Variants in MTMR12 observed in about 807,000 individuals in gnomAD.
The protein encoded by MTMR12 is myotubularin-related protein 12.
In MTMR12, 33 loss-of-function variants were observed where a neutral mutation model predicts 96.7. That is an observed-to-expected ratio of 0.34 (90% CI 0.26 to 0.46). MTMR12 has a LOEUF of 0.46. Ranked by LOEUF, MTMR12 falls within the 20% of genes least tolerant of loss-of-function variation. The pLI, the probability that MTMR12 is intolerant of heterozygous loss-of-function variation, is 1.00. For missense variants in MTMR12, 721 were observed against 896.1 expected (o/e 0.80, Z 2.49); for synonymous variants, 298 against 327.2 (o/e 0.91, Z 0.96).
rs771438713 is a variant in MTMR12 at position 32,270,885 on chromosome 5, T to C, written c.421A>G (p.Ile141Val). 1 of 1,614,102 alleles carries C rather than the reference T, an allele frequency of 6.2e-7. No individual in the cohort carries two copies. The highest frequency in any genetic ancestry group is 8.5e-7 in the Non-Finnish European group (1 of 1,179,956). ...QLKKYPEKLIIHCKDLRVFQF... is the reference protein window; with the variant it reads ...QLKKYPEKLIVHCKDLRVFQF... ...AACACTCGAAGGTCTTTGCAGTGGA[T>C]GATGAGCTTCTCAGGGTATTTCTTC... Residue 141 changes from isoleucine to valine, a missense_variant, in exon 5 of 16, where the codon ATC (isoleucine) becomes GTC (valine). Physicochemically the swap from Ile to Val is conservative, Grantham distance 29 (BLOSUM62 3). Transcript: ENST00000382142.
intron 1 of MTMR12, among the ~76,000 whole-genome samples, chr5:32,287,544 C>A (rs1007167508): frequency 3.9e-5 from 6 of 152,120 alleles, no homozygotes; most frequent in African/African-American, 7.2e-5. Context: ...TATATATATA[C>A]ACATACATAC....
At chr5:32,231,381 CAAAAAAAAAA>C (rs548654471) in intron 15 of MTMR12, among the ~76,000 whole-genome samples, 1 of 47,228 alleles carries the variant, frequency 2.1e-5, no homozygotes, top group African/African-American at 7.3e-5. Flanking sequence ...CTCTGGCTCG[CAAAAAAAAAA>C]AAAAAAAAAG....
At chr5:32,273,727 G>A (rs1357674968) in intron 3 of MTMR12, among the ~76,000 whole-genome samples, 1 of 152,148 alleles carries the variant, frequency 6.6e-6, no homozygotes, top group Admixed American at 6.6e-5. Flanking sequence ...GTATTTATGT[G>A]GGATGGTGGG....
chr5:32,276,624 T>C (rs954997673), intron 2 of MTMR12, 58 bp downstream of exon 2: 79 of 1,406,230 alleles, frequency 5.6e-5, no homozygotes, highest in Non-Finnish European at 7.4e-5. Flanking sequence ...CTAGGGATGA[T>C]GTAATTTATC....
At position 32,233,763 on chromosome 5, in the gene MTMR12, G is replaced by T. The variant is rs1483239179; in HGVS notation, c.1674+10C>A. On this transcript the variant is annotated intron_variant, in intron 15 of 15. Transcript: ENST00000382142. The surrounding 1 kb of genome is among the most constrained non-coding windows in gnomAD (Gnocchi z 5.0). The stretch of plus-strand genomic sequence containing the variant: ...CAGCTGAAGGGGGTTTAGACATGTG[G>T]ACATCTTACTTTGAAGCGCATTCCT... The T allele has an allele frequency of 1.9e-6, 3 of 1,614,052 alleles. No individual in the cohort carries two copies. The highest frequency in any genetic ancestry group is 2.7e-5 in the African/African-American group (2 of 74,912).
At position 32,229,525 on chromosome 5, in the gene MTMR12, A is replaced by G; in HGVS notation, c.*253T>C. On this transcript the variant is annotated 3_prime_UTR_variant, in exon 16 of 16. Coordinates refer to ENST00000382142, the MANE Select transcript of MTMR12 (RefSeq NM_001040446.3). The stretch of plus-strand genomic sequence containing the variant: ...CTGTATAATACTTAGGCATCAGAAA[A>G]CGGCCACAACCCTATTACGGGTCAA... The G allele has an allele frequency of 3.0e-6, 1 of 333,226 alleles. No homozygotes were observed. The highest frequency in any genetic ancestry group is 4.7e-5 in the East Asian group (1 of 21,132). The allele number at this position is 333,226 out of a possible 1,614,324, so 20.6% of individuals were successfully genotyped here. A position where few individuals can be genotyped will look rare whatever the true frequency, so the allele number is the denominator to read the frequency against.
intron 10 of MTMR12, chr5:32,247,736 G>A (rs56257952): frequency 0.33 from 321,785 of 984,522 alleles, 53,253 homozygotes; most frequent in Middle Eastern, 0.5. Flanking sequence ...GCTCACCACT[G>A]GGCAAATGGT....
chr5:32,288,591 G>A (rs761106193), intron 1 of MTMR12, among the ~76,000 whole-genome samples: 11 of 152,338 alleles, frequency 7.2e-5, no homozygotes, highest in Admixed American at 2.6e-4. Flanking sequence ...CTGGAGAATA[G>A]GCATGGGAAT....
At chr5:32,255,932 G>C in intron 7 of MTMR12, 164 bp from the exon 8 acceptor site, 1 of 562,426 alleles carries the variant, frequency 1.8e-6, no homozygotes, top group Non-Finnish European at 3.1e-6. Flanking sequence ...TCGGTGTGGC[G>C]TGAAGTACTC....
chr5:32,279,508 A>G (rs1032974836), intron 1 of MTMR12, among the ~76,000 whole-genome samples: 1 of 152,212 alleles, frequency 6.6e-6, no homozygotes, highest in Non-Finnish European at 1.5e-5. Flanking sequence ...TCTAACAAAC[A>G]TGGTCTCCAG....
At chr5:32,242,645 C>T (rs1001577690) in intron 11 of MTMR12, among the ~76,000 whole-genome samples, 1 of 151,678 alleles carries the variant, frequency 6.6e-6, no homozygotes, top group African/African-American at 2.4e-5. Context: ...CTGTTGTCTT[C>T]TGCTTGCAGA....
chr5:32,235,641 G>T (rs1042874571), intron 13 of MTMR12, among the ~76,000 whole-genome samples: 3 of 152,220 alleles, frequency 2.0e-5, no homozygotes, highest in African/African-American at 7.2e-5. Context: ...CGTGGAAGGA[G>T]AAGCCTCCTG....
chr5:32,273,783 A>G (rs999828029), intron 3 of MTMR12, among the ~76,000 whole-genome samples, 197 bp downstream of exon 3: 1 of 152,164 alleles, frequency 6.6e-6, no homozygotes, highest in African/African-American at 2.4e-5. Flanking sequence ...AGCTGGGGGA[A>G]AAAAGACAAC....
intron 1 of MTMR12, among the ~76,000 whole-genome samples, chr5:32,301,946 AAAAAAC>A (rs1195245628): frequency 3.9e-5 from 6 of 152,174 alleles, no homozygotes; most frequent in Admixed American, 3.3e-4. Context: ...AGCAAAAGCA[AAAAAAC>A]AAAAACAAAA....
chr5:32,246,362 A>C lies in MTMR12; in HGVS notation c.1021+1640T>G, dbSNP rs546261504. ...ATTTTTAGCAGAGATGGGTTTCGCC[A>C]TGTTAGCCGGGCTGGTCTCAAATTC... On this transcript the variant is annotated intron_variant, in intron 10 of 15. Coordinates refer to ENST00000382142, the MANE Select transcript of MTMR12 (RefSeq NM_001040446.3). Among the ~76,000 whole-genome samples the C allele has an allele frequency of 3.3e-5, 5 of 152,192 alleles. No homozygotes were observed. In the East Asian group the frequency reaches 9.6e-4, roughly 29 times the overall value.
chr5:32,239,995 G>A (rs1250314944), intron 12 of MTMR12, among the ~76,000 whole-genome samples: 1 of 152,126 alleles, frequency 6.6e-6, no homozygotes, highest in Non-Finnish European at 1.5e-5. Context: ...TAAAAGTCAG[G>A]GTCTACATCC....
intron 1 of MTMR12, among the ~76,000 whole-genome samples, chr5:32,283,481 A>G (rs916546418): frequency 3.9e-5 from 6 of 152,172 alleles, no homozygotes; most frequent in Non-Finnish European, 8.8e-5. Context: ...TATACCCATG[A>G]TTGTCTCCAT....
intron 1 of MTMR12, among the ~76,000 whole-genome samples, chr5:32,286,231 C>G (rs947239923): frequency 6.6e-6 from 1 of 152,086 alleles, no homozygotes; most frequent in Non-Finnish European, 1.5e-5. Context: ...CCCAGCTACT[C>G]AGGAGGCTGA....
At chr5:32,282,553 C>G (rs1750343658) in intron 1 of MTMR12, among the ~76,000 whole-genome samples, 1 of 152,010 alleles carries the variant, frequency 6.6e-6, no homozygotes, top group African/African-American at 2.4e-5. Context: ...GCAAGTCTTA[C>G]AGATAATCAA....
Sources: gnomAD v4.1 joint callset for allele counts (sites outside exome capture counted in the v4.1 genomes callset) on GRCh38, gnomAD v4.1.1 for gene constraint, Gnocchi (gnomAD v3.1) non-coding constraint, MANE v1.5 for transcripts, NCBI Gene and HGNC (gene_info 2026-07-23, HGNC 2026-07-21) for gene names.